Variants in SETBP1 observed in about 807,000 individuals in gnomAD.
SETBP1 encodes the protein SET binding protein 1.
SETBP1 carries 9 observed loss-of-function variants against 101.0 expected under a neutral mutation model. The ratio of observed to expected loss-of-function variants is 0.09; its 90% CI spans 0.05 to 0.16. SETBP1 has a LOEUF of 0.16. SETBP1 is among the 10% of genes least tolerant of loss of function. The probability of loss-of-function intolerance (pLI) is 1.00; values close to 1 mark genes in which losing one functional copy is unlikely to be tolerated. For synonymous variants in SETBP1, 818 were observed against 788.5 expected, an observed-to-expected ratio of 1.04 and a Z score of -0.63; for missense variants, 1,858 against 2,033.8, an observed-to-expected ratio of 0.91 and a Z score of 1.66.
chr18:44,716,763 A>G (rs2069474995), intron 2 of SETBP1, among the ~76,000 whole-genome samples: 1 of 152,046 alleles, frequency 6.6e-6, no homozygotes, highest in African/African-American at 2.4e-5. Flanking sequence ...GTGTTTCCCC[A>G]TCTTGGCCAG....
At chr18:44,905,594 A>G (rs1207971283) in intron 3 of SETBP1, among the ~76,000 whole-genome samples, 3 of 152,134 alleles carry the variant, frequency 2.0e-5, no homozygotes, top group African/African-American at 7.2e-5. Flanking sequence ...GCACTGAAGA[A>G]TTGGGTGAAC....
intron 2 of SETBP1, among the ~76,000 whole-genome samples, chr18:44,704,568 A>T (rs1280308064): frequency 6.6e-6 from 1 of 152,182 alleles, no homozygotes; most frequent in African/African-American, 2.4e-5. Flanking sequence ...ACTGAGTCTC[A>T]ATTACTTGAT....
At chr18:44,861,716 G>C (rs1478465170) in intron 2 of SETBP1, among the ~76,000 whole-genome samples, 1 of 152,104 alleles carries the variant, frequency 6.6e-6, no homozygotes, top group East Asian at 1.9e-4. Flanking sequence ...AGCCACTTTT[G>C]ACTGAAATGA....
chr18:44,773,263 C>G (rs1048500986), intron 2 of SETBP1, among the ~76,000 whole-genome samples: 3 of 152,196 alleles, frequency 2.0e-5, no homozygotes, highest in Non-Finnish European at 4.4e-5. Context: ...GTTTTTCTCT[C>G]CTGATGTATC....
chr18:44,689,278 T>G (rs2068888870), intron 1 of SETBP1, among the ~76,000 whole-genome samples: 1 of 152,182 alleles, frequency 6.6e-6, no homozygotes, highest in Non-Finnish European at 1.5e-5. Context: ...ATGTACTGCA[T>G]CTGGCAGAAG....
intron 4 of SETBP1, among the ~76,000 whole-genome samples, chr18:44,976,110 A>C (rs2071981613): frequency 6.6e-6 from 1 of 151,332 alleles, no homozygotes; most frequent in African/African-American, 2.4e-5. Context: ...ACACACACAC[A>C]CACACAGACT....
intron 2 of SETBP1, among the ~76,000 whole-genome samples, chr18:44,738,341 T>G (rs2144448249): frequency 6.6e-6 from 1 of 152,340 alleles, no homozygotes; most frequent in Admixed American, 6.5e-5. Flanking sequence ...CTGGTGATCT[T>G]TATTAACAGT....
intron 4 of SETBP1, among the ~76,000 whole-genome samples, chr18:45,026,145 A>C (rs1276880358): frequency 6.6e-6 from 1 of 152,250 alleles, no homozygotes; most frequent in Non-Finnish European, 1.5e-5. Context: ...TCACATTAGG[A>C]AGAATCTAGA....
chr18:44,916,059 C>A (rs965742247), intron 3 of SETBP1, among the ~76,000 whole-genome samples: 1 of 152,058 alleles, frequency 6.6e-6, no homozygotes, highest in Non-Finnish European at 1.5e-5. Flanking sequence ...AAGCCCATCT[C>A]TACTAAAAAT....
At chr18:44,700,118 G>A (rs2069091382) in intron 1 of SETBP1, among the ~76,000 whole-genome samples, 1 of 152,174 alleles carries the variant, frequency 6.6e-6, no homozygotes, top group Non-Finnish European at 1.5e-5. Context: ...GTTTTCTCCT[G>A]AGACTGAGCG....
intron 2 of SETBP1, among the ~76,000 whole-genome samples, chr18:44,811,143 A>G (rs1212495246): frequency 2.0e-5 from 3 of 152,238 alleles, no homozygotes; most frequent in Non-Finnish European, 2.9e-5. Flanking sequence ...ACAGCTTGCC[A>G]TAAGGTATTA....
At chr18:44,922,174 C>T (rs546324860) in intron 3 of SETBP1, among the ~76,000 whole-genome samples, 7 of 152,300 alleles carry the variant, frequency 4.6e-5, no homozygotes, top group South Asian at 4.1e-4. Context: ...TAGTAAGGAG[C>T]GCATGCGCAG....
At chr18:44,979,896 C>G (rs1367383953) in intron 4 of SETBP1, among the ~76,000 whole-genome samples, 2 of 152,166 alleles carry the variant, frequency 1.3e-5, no homozygotes, top group African/African-American at 4.8e-5. Context: ...TTACAAAAAG[C>G]AGTTCCTTCT....
At chr18:45,011,048 G>A (rs1368736727) in intron 4 of SETBP1, among the ~76,000 whole-genome samples, 2 of 152,140 alleles carry the variant, frequency 1.3e-5, no homozygotes, top group Non-Finnish European at 2.9e-5. Context: ...GATGCTGTGG[G>A]GATGCCAAAG....
At chr18:44,832,284 C>A (rs1282682209) in intron 2 of SETBP1, among the ~76,000 whole-genome samples, 2 of 152,200 alleles carry the variant, frequency 1.3e-5, no homozygotes, top group Non-Finnish European at 2.9e-5. Flanking sequence ...GTGAACATAA[C>A]CATTATTCAG....
At chr18:44,849,330 C>T (rs1330574243) in intron 2 of SETBP1, among the ~76,000 whole-genome samples, 5 of 152,140 alleles carry the variant, frequency 3.3e-5, no homozygotes, top group Non-Finnish European at 4.4e-5. Context: ...TGGCACTGAA[C>T]TGGGAGTTAG....
chr18:44,986,996 A>G (rs2072255427), intron 4 of SETBP1: 2 of 152,138 alleles, frequency 1.3e-5, no homozygotes, highest in Admixed American at 1.3e-4. Flanking sequence ...TATTATCATT[A>G]TTAAGTATTA....
intron 3 of SETBP1, among the ~76,000 whole-genome samples, chr18:44,906,805 T>C (rs1160646741): frequency 6.6e-6 from 1 of 152,344 alleles, no homozygotes; most frequent in East Asian, 1.9e-4. Flanking sequence ...CATAATTGTA[T>C]GACCTTGATA....
chr18:44,845,437 A>G (rs2072704938), intron 2 of SETBP1, among the ~76,000 whole-genome samples: 1 of 152,204 alleles, frequency 6.6e-6, no homozygotes, highest in Non-Finnish European at 1.5e-5. Context: ...GGTGCCAGAG[A>G]GCTGAATTCC....
Sources: gnomAD v4.1 joint callset for allele counts (sites outside exome capture counted in the v4.1 genomes callset) on GRCh38, gnomAD v4.1.1 for gene constraint, MANE v1.5 for transcripts, NCBI Gene and HGNC (gene_info 2026-07-23, HGNC 2026-07-21) for gene names.